Variants in PSMD14 observed in about 807,000 individuals in gnomAD.
PSMD14 encodes the protein ubiquitin C-terminal hydrolase PSMD14.
Under a neutral mutation model 41.2 loss-of-function variants are expected in PSMD14, and 7 were observed. The ratio of observed to expected loss-of-function variants is 0.17; its 90% confidence interval spans 0.10 to 0.32. The LOEUF is 0.32. PSMD14 is among the 10% of genes least tolerant of loss of function. PSMD14 has a pLI of 1.00. For synonymous variants in PSMD14, 114 were observed against 122.3 expected (o/e 0.93, Z 0.45); for missense variants, 139 against 375.6 (o/e 0.37, Z 5.21).
At position 161,407,343 on chromosome 2, in the gene PSMD14, T is replaced by C. The variant is rs115647511; in HGVS notation, c.772-1494T>C. ...ACTCTGAAAATGAGCATATTCTCTG[T>C]CTAGATTTGGCATGTTATTAACTTT... On this transcript the variant is annotated intron_variant, in intron 10 of 11. Coordinates refer to ENST00000409682, the MANE Select transcript of PSMD14 (RefSeq NM_005805.6). Among the ~76,000 whole-genome samples, 88 of 152,248 alleles carry C rather than the reference T, an allele frequency of 5.8e-4. 1 individual carries two copies. Among genetic ancestry groups the C allele is most frequent in the African/African-American group, 1.7e-3 (72 of 41,562 alleles).
chr2:161,405,372 C>T (rs1023818977), intron 10 of PSMD14, among the ~76,000 whole-genome samples: 1 of 152,180 alleles, frequency 6.6e-6, no homozygotes, highest in African/African-American at 2.4e-5. Flanking sequence ...TGTGCACACT[C>T]CTTTTTTGTA....
chr2:161,332,441 C>A (rs1228248251), intron 3 of PSMD14, among the ~76,000 whole-genome samples: 1 of 152,076 alleles, frequency 6.6e-6, no homozygotes, highest in African/African-American at 2.4e-5. Context: ...TTTCAATGAC[C>A]AATCTTGTTG....
intron 7 of PSMD14, among the ~76,000 whole-genome samples, chr2:161,378,950 C>T (rs1182956310): frequency 1.3e-5 from 2 of 151,860 alleles, no homozygotes; most frequent in African/African-American, 4.8e-5. Context: ...ACTAAAATGC[C>T]TTTGCCTATT....
chr2:161,342,348 A>G (rs1682977633), intron 3 of PSMD14, among the ~76,000 whole-genome samples: 1 of 151,766 alleles, frequency 6.6e-6, no homozygotes, highest in African/African-American at 2.4e-5. Flanking sequence ...TTTTTTTATC[A>G]GAAGTGGATC....
At chr2:161,408,993 C>A in intron 11 of PSMD14, 94 bp downstream of exon 11, 1 of 960,080 alleles carries the variant, frequency 1.0e-6, no homozygotes, top group Non-Finnish European at 1.5e-6. Flanking sequence ...TTTTTCCTGT[C>A]CACTCTATGT....
rs1038850922 is a variant in PSMD14, at chr2:161,341,026, C to T, written c.48+22153C>T. 23 of 1,608,060 alleles carry T rather than the reference C, an allele frequency of 1.4e-5. No homozygotes were observed. In the African/African-American group the frequency reaches 2.9e-4, roughly 21 times the overall value. On this transcript the variant is annotated intron_variant, in intron 3 of 11. Transcript: ENST00000409682. ...GCCTGCTCCTCCGCCTCCGCTGGCG[C>T]CGCCGCGGGATCCCCTGGCCCTTCG...
At chr2:161,368,337 G>C (rs1683386776) in intron 5 of PSMD14, among the ~76,000 whole-genome samples, 1 of 151,928 alleles carries the variant, frequency 6.6e-6, no homozygotes, top group Non-Finnish European at 1.5e-5. Flanking sequence ...TTCTATATAT[G>C]GTGATGAATG....
chr2:161,377,362 C>T (rs1258922544), intron 7 of PSMD14, among the ~76,000 whole-genome samples: 3 of 151,796 alleles, frequency 2.0e-5, no homozygotes, highest in East Asian at 1.9e-4. Context: ...AGTTTTGTTA[C>T]TGTATTATCT....
chr2:161,325,349 G>A (rs760041733), intron 3 of PSMD14, among the ~76,000 whole-genome samples: 4 of 152,078 alleles, frequency 2.6e-5, no homozygotes, highest in African/African-American at 7.2e-5. Context: ...GATGTATTTT[G>A]TTATAACTCC....
intron 2 of PSMD14, among the ~76,000 whole-genome samples, chr2:161,316,864 C>G (rs1364533314): frequency 6.6e-6 from 1 of 152,188 alleles, no homozygotes; most frequent in Non-Finnish European, 1.5e-5. Flanking sequence ...TTTTCTTTCT[C>G]TCTGCTTCTT....
intron 7 of PSMD14, among the ~76,000 whole-genome samples, 196 bp downstream of exon 7, chr2:161,371,518 C>G (rs1172454835): frequency 6.6e-6 from 1 of 152,054 alleles, no homozygotes; most frequent in African/African-American, 2.4e-5. Flanking sequence ...GAGATTTCTT[C>G]TTTAATCACT....
intron 3 of PSMD14, among the ~76,000 whole-genome samples, chr2:161,351,869 C>T (rs571686068): frequency 1.3e-3 from 198 of 152,224 alleles, no homozygotes; most frequent in African/African-American, 4.6e-3. Context: ...TGAAGAGGGT[C>T]ACATGTTCAT....
chr2:161,386,267 A>G (rs1266568406), intron 8 of PSMD14, among the ~76,000 whole-genome samples: 1 of 151,870 alleles, frequency 6.6e-6, no homozygotes, highest in Non-Finnish European at 1.5e-5. Context: ...GTCTGTGTCT[A>G]TCTAGTTAAT....
intron 7 of PSMD14, among the ~76,000 whole-genome samples, chr2:161,375,655 T>C (rs1197756426): frequency 2.6e-5 from 4 of 151,954 alleles, no homozygotes; most frequent in Non-Finnish European, 5.9e-5. Flanking sequence ...AATGAGTGCT[T>C]TGATTGGTTT....
At position 161,315,140 on chromosome 2, in the gene PSMD14, C is replaced by T. The variant is rs151320046; in HGVS notation, c.-137-1297C>T. ...AGAATGGCTTCAAACATTTATCCCC[C>T]GGGGACGTTTGGTAAAGCTTGGAGA... On this transcript the variant is annotated intron_variant, in intron 1 of 11. Transcript: ENST00000409682. Among the ~76,000 whole-genome samples, 207 of 152,274 alleles carry T rather than the reference C, an allele frequency of 1.4e-3. 1 individual carries two copies. Among genetic ancestry groups the T allele is most frequent in the African/African-American group, 3.1e-3 (128 of 41,544 alleles).
At chr2:161,383,879 G>A (rs777118933) in intron 7 of PSMD14, 7 of 151,370 alleles carry the variant, frequency 4.6e-5, no homozygotes, top group Non-Finnish European at 7.4e-5. Context: ...TGAGTGTGAG[G>A]AAATTTTACT....
intron 3 of PSMD14, chr2:161,341,023 G>A: frequency 1.2e-6 from 2 of 1,608,268 alleles, no homozygotes; most frequent in Non-Finnish European, 1.7e-6. Flanking sequence ...GCCTCCGCTG[G>A]CGCCGCCGCG....
chr2:161,374,221 G>A (rs1683475555), intron 7 of PSMD14, among the ~76,000 whole-genome samples: 1 of 151,944 alleles, frequency 6.6e-6, no homozygotes, highest in African/African-American at 2.4e-5. Flanking sequence ...GTGGATAGGT[G>A]TCACTCTCTT....
chr2:161,371,098 T>C (rs1683425818), intron 6 of PSMD14, 74 bp from the exon 7 acceptor site: 2 of 1,473,188 alleles, frequency 1.4e-6, no homozygotes, highest in Admixed American at 3.8e-5. Flanking sequence ...ACCCCGTTAG[T>C]GTGTTGTTTC....
Sources: gnomAD v4.1 joint callset for allele counts (sites outside exome capture counted in the v4.1 genomes callset) on GRCh38, gnomAD v4.1.1 for gene constraint, MANE v1.5 for transcripts, NCBI Gene and HGNC (gene_info 2026-07-23, HGNC 2026-07-21) for gene names.